THBS1: variants seen among roughly 807,000 people sequenced by gnomAD.
THBS1 encodes the protein thrombospondin 1, also known as thrombospondin-1.
THBS1 carries 29 observed loss-of-function variants against 126.1 expected under a neutral mutation model. That is an observed-to-expected ratio of 0.23 (90% CI 0.17 to 0.31). The LOEUF (loss-of-function observed/expected upper bound fraction) is 0.31, where lower values mean the gene tolerates loss of function less well. THBS1 is among the 10% of genes least tolerant of loss of function. THBS1 has a pLI of 1.00. For synonymous variants in THBS1, 496 were observed against 577.8 expected (o/e 0.86, Z 2.03); for missense variants, 1,198 against 1,545.2 (o/e 0.78, Z 3.77).
intron 21 of THBS1, among the ~76,000 whole-genome samples, chr15:39,595,075 G>T (rs1430108128): frequency 2.0e-5 from 3 of 152,174 alleles, no homozygotes; most frequent in Non-Finnish European, 4.4e-5. Flanking sequence ...AATTATTAAT[G>T]TAATTTTTGA....
intron 9 of THBS1, 82 bp downstream of exon 9, chr15:39,588,300 C>A: frequency 6.6e-7 from 1 of 1,508,570 alleles, no homozygotes. Context: ...GCCTGCAGTT[C>A]AGTGGGTCAT....
rs139342514 is a variant in THBS1 at position 39,593,223 on chromosome 15, T to C, written c.2991T>C (p.Ala997=). The change falls in exon 18 of 22, where the codon GCT becomes GCC. Residue 997 remains alanine (A), a synonymous_variant. Coordinates refer to ENST00000260356, the MANE Select transcript of THBS1 (RefSeq NM_003246.4). The surrounding 1 kb of genome is among the most constrained non-coding windows in gnomAD (Gnocchi z 5.9). ...VQTVNCDPGL[A]VGYDEFNAVD... ...CTGTCAACTGTGATCCTGGACTCGCTGTAGGTGAGTAGCGAGTTCTTAGAT... is the reference window on the plus strand; with the variant it reads ...CTGTCAACTGTGATCCTGGACTCGCCGTAGGTGAGTAGCGAGTTCTTAGAT... The C allele has an allele frequency of 2.5e-6, 4 of 1,613,884 alleles. No homozygotes were observed. Among genetic ancestry groups the C allele is most frequent in the Non-Finnish European group, 3.4e-6 (4 of 1,179,784 alleles).
chr15:39,596,070 G>C lies in THBS1; in HGVS notation c.*701G>C. 1 of 357,456 alleles carries C rather than the reference G, an allele frequency of 2.8e-6. No homozygotes were observed. The highest frequency in any genetic ancestry group is 5.5e-6 in the Non-Finnish European group (1 of 180,760). 22.1% of individuals were successfully genotyped at this position (357,456 alleles called of 1,614,324 possible). On this transcript the variant is annotated 3_prime_UTR_variant, in exon 22 of 22. Coordinates refer to ENST00000260356, the MANE Select transcript of THBS1 (RefSeq NM_003246.4). ...CCTTACTCATCACCTGCAGTGGCCAGAATTAGGGAATCAGAATCAAACCAG... is the reference window on the plus strand; with the variant it reads ...CCTTACTCATCACCTGCAGTGGCCACAATTAGGGAATCAGAATCAAACCAG...
rs1217517264 is a variant in THBS1 at position 39,588,317 on chromosome 15, G to A, written c.1471+99G>A. On this transcript the variant is annotated intron_variant, in intron 9 of 21. Transcript: ENST00000260356. ...CTGCAGTTCAGTGGGTCATAGAGCA[G>A]GAAGGTTACCTACTAGAGAAACAAA... The A allele has an allele frequency of 2.8e-6, 4 of 1,436,698 alleles. No individual in the cohort carries two copies. The African/African-American group carries it at 4.3e-5, about 15-fold the overall frequency. 89.0% of individuals were successfully genotyped at this position (1,436,698 alleles called of 1,614,324 possible). A position where few individuals can be genotyped will look rare whatever the true frequency, so the allele number is the denominator to read the frequency against.
At position 39,589,753 on chromosome 15, in the gene THBS1, T is replaced by C; in HGVS notation, c.1927-52T>C. 3.3e-6 allele frequency: 5 copies of C among 1,515,446 alleles called. No individual in the cohort carries two copies. The Admixed American group carries it at 8.2e-5, about 25-fold the overall frequency. 93.9% of individuals were successfully genotyped at this position (1,515,446 alleles called of 1,614,324 possible). ...GGGATCTGGATTCTTGTTTCCATGA[T>C]ATCTGAGGATTCTCAAAAGCTCTGT... On this transcript the variant is annotated intron_variant, in intron 12 of 21. Coordinates refer to ENST00000260356, the MANE Select transcript of THBS1 (RefSeq NM_003246.4). The surrounding 1 kb of genome is among the most constrained non-coding windows in gnomAD (Gnocchi z 4.7).
In THBS1 at chr15:39,584,284, A is replaced by T. The variant is rs1890169589; in HGVS notation, c.904-16A>T. 6.2e-7 allele frequency: 1 copy of T among 1,614,194 alleles called. No individual in the cohort carries two copies. Among genetic ancestry groups the T allele is most frequent in the East Asian group, 2.2e-5 (1 of 44,886 alleles). ...GAAAATGCGGGGGGACACTAATGATATTCTCTCCCATTTAGACTGAAGAGA... is the reference window on the plus strand; with the variant it reads ...GAAAATGCGGGGGGACACTAATGATTTTCTCTCCCATTTAGACTGAAGAGA... On this transcript the variant is annotated splice_polypyrimidine_tract_variant and intron_variant, in intron 5 of 21. Transcript: ENST00000260356.
In THBS1 at chr15:39,595,387, GA is replaced by G; in HGVS notation, c.*21del. Reference sequence around the variant, plus strand: ...ATCCCTAATCATCAAATTGTTGATTGAAAGACTGATCATAAACCAATGCTGG... The same window carrying G: ...ATCCCTAATCATCAAATTGTTGATTGAAGACTGATCATAAACCAATGCTGG... On this transcript the variant is annotated 3_prime_UTR_variant, in exon 22 of 22. Coordinates refer to ENST00000260356, the MANE Select transcript of THBS1 (RefSeq NM_003246.4). 6.7e-7 allele frequency: 1 copy of G among 1,496,192 alleles called. No homozygotes were observed. The highest frequency in any genetic ancestry group is 8.9e-7 in the Non-Finnish European group (1 of 1,120,478). The allele number at this position is 1,496,192 out of a possible 1,614,324, so 92.7% of individuals were successfully genotyped here.
chr15:39,585,387 T>C lies in THBS1; in HGVS notation c.1027-83T>C, dbSNP rs957376079. On this transcript the variant is annotated intron_variant, in intron 6 of 21. Transcript: ENST00000260356. ...TGACAGCCCTGACCATGTTTTGGCT[T>C]GTAAAGGAAATGTTACAGGATGTAG... The C allele has an allele frequency of 1.2e-5, 16 of 1,292,228 alleles. No homozygotes were observed. In the African/African-American group the frequency reaches 2.3e-4, roughly 19 times the overall value. 80.0% of individuals were successfully genotyped at this position (1,292,228 alleles called of 1,614,324 possible).
At position 39,588,487 on chromosome 15, in the gene THBS1, G is replaced by A. The variant is rs1191415326; in HGVS notation, c.1472-39G>A. The A allele has an allele frequency of 5.3e-6, 8 of 1,522,304 alleles. No individual in the cohort carries two copies. In the Admixed American group the frequency reaches 8.8e-5, roughly 17 times the overall value. The allele number at this position is 1,522,304 out of a possible 1,614,324, so 94.3% of individuals were successfully genotyped here. A position where few individuals can be genotyped will look rare whatever the true frequency, so the allele number is the denominator to read the frequency against. On this transcript the variant is annotated intron_variant, in intron 9 of 21. Transcript: ENST00000260356. Reference sequence around the variant, plus strand: ...TCTATGACAAGGGAGGGATTTGAAAGTTGATCTTAATTGTTGCCTGTGGTT... The same window carrying A: ...TCTATGACAAGGGAGGGATTTGAAAATTGATCTTAATTGTTGCCTGTGGTT...
At chr15:39,591,838 C>T (rs1177367776) in intron 16 of THBS1, among the ~76,000 whole-genome samples, 1 of 152,188 alleles carries the variant, frequency 6.6e-6, no homozygotes, top group Non-Finnish European at 1.5e-5. Flanking sequence ...GATCTGGTAA[C>T]TTCAGTCTTA....
intron 7 of THBS1, chr15:39,586,595 AACTG>A (rs1278681350): frequency 6.6e-6 from 1 of 152,206 alleles, no homozygotes; most frequent in Non-Finnish European, 1.5e-5. Flanking sequence ...AGGAACAACA[AACTG>A]ACTAACTCAC....
chr15:39,594,702 GCTC>G lies in THBS1; in HGVS notation c.3505+265_3505+267del, dbSNP rs1555385442. On this transcript the variant is annotated intron_variant, in intron 21 of 21. Coordinates refer to ENST00000260356, the MANE Select transcript of THBS1 (RefSeq NM_003246.4). This position sits in a 1 kb window ranked among gnomAD's most constrained non-coding sequence, Gnocchi z 4.4. ...CAGTGCAAAGGTAAGCTGCAGAAAA[GCTC>G]CTATATAATTTGGACTTCATTAATA... Among the ~76,000 whole-genome samples, 3 of 152,296 alleles carry G rather than the reference GCTC, an allele frequency of 2.0e-5. No individual in the cohort carries two copies. The highest frequency in any genetic ancestry group is 3.4e-3 in the Middle Eastern group (1 of 294).
Position 39,595,813 on chromosome 15 carries a change from G to A in THBS1, c.*444G>A, listed in dbSNP as rs1566843172. The A allele has an allele frequency of 2.2e-6, 1 of 459,884 alleles. No homozygotes were observed. The highest frequency in any genetic ancestry group is 4.4e-6 in the Non-Finnish European group (1 of 229,676). The allele number at this position is 459,884 out of a possible 1,614,324, so 28.5% of individuals were successfully genotyped here. Reference sequence around the variant, plus strand: ...ACATCCTCCTTCAGGAACACGGGGAGCAGAGGCCAAAGCACTAAGGGGAGG... The same window carrying A: ...ACATCCTCCTTCAGGAACACGGGGAACAGAGGCCAAAGCACTAAGGGGAGG... On this transcript the variant is annotated 3_prime_UTR_variant, in exon 22 of 22. Coordinates refer to ENST00000260356, the MANE Select transcript of THBS1 (RefSeq NM_003246.4).
Position 39,589,003 on chromosome 15 carries a change from A to G in THBS1, c.1690A>G (p.Ser564Gly), listed in dbSNP as rs200366954. 4.5e-5 allele frequency: 73 copies of G among 1,614,062 alleles called. No homozygotes were observed. In the East Asian group the frequency reaches 1.5e-3, roughly 34 times the overall value. Residue 564 changes from serine (S) to glycine (G), a missense_variant, in exon 11 of 22, where the codon AGC becomes GGC. Ser to Gly is a moderately conservative substitution (Grantham distance 56, BLOSUM62 0). Around this residue, in one of 4 missense-constraint regions of THBS1, gnomAD observed 663 missense variants for 860.1 expected, o/e 0.77. Transcript: ENST00000260356. The surrounding 1 kb of genome is among the most constrained non-coding windows in gnomAD (Gnocchi z 4.7). ...CTGCTTTGCCGGCGTGAAGTGTACTAGCTACCCTGATGGCAGCTGGAAATG... is the reference window on the plus strand; with the variant it reads ...CTGCTTTGCCGGCGTGAAGTGTACTGGCTACCCTGATGGCAGCTGGAAATG... ...NPCFAGVKCTSYPDGSWKCGA... is the reference protein window; with the variant it reads ...NPCFAGVKCTGYPDGSWKCGA...
chr15:39,582,503 C>T lies in THBS1; in HGVS notation c.378C>T (p.Gly126=), dbSNP rs1258508048. The change falls in exon 3 of 22, where the codon GGC becomes GGT. Residue 126 remains glycine, a synonymous_variant. Coordinates refer to ENST00000260356, the MANE Select transcript of THBS1 (RefSeq NM_003246.4). ...GCGTGGTGTCCAATGGCAAGGCGGG[C>T]ACCCTGGACCTCAGCCTGACCGTCC... The part of the protein sequence containing the change: ...VFSVVSNGKA[G]TLDLSLTVQG... 1 of 1,614,152 alleles carries T rather than the reference C, an allele frequency of 6.2e-7. No homozygotes were observed. The highest frequency in any genetic ancestry group is 1.3e-5 in the African/African-American group (1 of 75,054).
At position 39,598,748 on chromosome 15, in the gene THBS1, T is replaced by C. The variant is rs1381827731; in HGVS notation, c.*3379T>C. The C allele has an allele frequency of 6.6e-6, 1 of 152,100 alleles. No individual in the cohort carries two copies. The highest frequency in any genetic ancestry group is 2.4e-5 in the African/African-American group (1 of 41,418). The allele number at this position is 152,100 out of a possible 1,614,324, so 9.4% of individuals were successfully genotyped here. A position where few individuals can be genotyped will look rare whatever the true frequency, so the allele number is the denominator to read the frequency against. ...TCCAACAGTTTATTGTCATGTGTTG[T>C]GGGAGAGCTCGAGTGAAGAGCAATA... On this transcript the variant is annotated 3_prime_UTR_variant, in exon 22 of 22. Transcript: ENST00000260356.
intron 14 of THBS1, chr15:39,590,952 T>G: frequency 1.8e-6 from 1 of 563,848 alleles, no homozygotes; most frequent in Non-Finnish European, 3.1e-6. Flanking sequence ...CACTATGAAC[T>G]GAGATGATGG....
chr15:39,593,441 A>G lies in THBS1; in HGVS notation c.3040A>G (p.Ile1014Val), dbSNP rs1278295589. The G allele has an allele frequency of 6.2e-7, 1 of 1,614,140 alleles. No individual in the cohort carries two copies. Among genetic ancestry groups the G allele is most frequent in the Non-Finnish European group, 8.5e-7 (1 of 1,180,024 alleles). The change falls in exon 19 of 22, where the codon ATC (isoleucine) becomes GTC (valine). Residue 1014 changes from isoleucine to valine, a missense_variant. Coordinates refer to ENST00000260356, the MANE Select transcript of THBS1 (RefSeq NM_003246.4). This position sits in a 1 kb window ranked among gnomAD's most constrained non-coding sequence, Gnocchi z 5.9. ...TGTGGACTTCAGTGGCACCTTCTTC[A>G]TCAACACCGAAAGGGACGATGACTA... ...NAVDFSGTFF[I>V]NTERDDDYAG...
chr15:39,591,285 C>A lies in THBS1; in HGVS notation c.2348C>A (p.Pro783Gln). The A allele has an allele frequency of 6.2e-7, 1 of 1,614,166 alleles. No individual in the cohort carries two copies. Among genetic ancestry groups the A allele is most frequent in the Non-Finnish European group, 8.5e-7 (1 of 1,180,024 alleles). The stretch of plus-strand genomic sequence containing the variant: ...GACAACTGTCCCTACAACCACAACC[C>A]AGATCAGGCAGACACAGACAACAAT... Reference protein sequence around the residue: ...RCDNCPYNHNPDQADTDNNGE... With the variant: ...RCDNCPYNHNQDQADTDNNGE... The change falls in exon 15 of 22, where the codon CCA becomes CAA. Residue 783 changes from proline to glutamine, a missense_variant. Pro to Gln is a moderately conservative substitution (Grantham distance 76). Transcript: ENST00000260356.
Sources: allele counts gnomAD v4.1 joint callset (sites outside exome capture counted in the v4.1 genomes callset), GRCh38; gene constraint gnomAD v4.1.1; regional missense constraint gnomAD v4.1.1; non-coding constraint Gnocchi (gnomAD v3.1); transcripts MANE v1.5; gene names NCBI Gene and HGNC (gene_info 2026-07-23, HGNC 2026-07-21).